SPCS1: variants seen among roughly 807,000 people sequenced by gnomAD.
The protein encoded by SPCS1 is signal peptidase complex subunit 1.
Under a neutral mutation model 16.4 loss-of-function variants are expected in SPCS1, and 10 were observed. The observed-to-expected ratio is 0.61, with a 90% confidence interval of 0.38 to 1.03. SPCS1 has a LOEUF of 1.03. SPCS1 is among the 50% of genes least tolerant of loss of function. SPCS1 has a pLI of 0.01. For synonymous variants in SPCS1, 47 were observed against 42.5 expected, an observed-to-expected ratio of 1.10 and a Z score of -0.41; for missense variants, 118 against 123.8, an observed-to-expected ratio of 0.95 and a Z score of 0.22.
rs2097345046 is a variant in SPCS1, at chr3:52,706,703, A to C, written c.96A>C (p.Ala32=). 3 of 1,613,710 alleles carry C rather than the reference A, an allele frequency of 1.9e-6. No homozygotes were observed. Among genetic ancestry groups the C allele is most frequent in the Non-Finnish European group, 2.5e-6 (3 of 1,179,698 alleles). ...TTCAGGGAATTATTCTTTTTTCTGC[A>C]GTAAGTATTGGTTTTACATTTAATC... ...QMFQGIILFS[A]IVGFIYGYVA... The change falls in exon 2 of 4, where the codon GCA becomes GCC. Residue 32 remains alanine, a splice_region_variant and synonymous_variant. Coordinates refer to ENST00000619898, the MANE Select transcript of SPCS1 (RefSeq NM_014041.5).
Position 52,709,692 on chromosome 3 carries a change from C to A in SPCS1, c.*1880C>A, listed in dbSNP as rs1297468527. The stretch of plus-strand genomic sequence containing the variant: ...CTCCAGGCTGGGTGACAGAGCAAGA[C>A]CCTGTCTCAAAAAAAAAAAAAAAAA... On this transcript the variant is annotated 3_prime_UTR_variant, in exon 4 of 4. Coordinates refer to ENST00000619898, the MANE Select transcript of SPCS1 (RefSeq NM_014041.5). 1 of 114,240 alleles carries A rather than the reference C, an allele frequency of 8.8e-6. No homozygotes were observed. The highest frequency in any genetic ancestry group is 3.3e-5 in the African/African-American group (1 of 30,670). The allele number at this position is 114,240 out of a possible 1,614,324, so 7.1% of individuals were successfully genotyped here.
At position 52,706,619 on chromosome 3, in the gene SPCS1, C is replaced by A. The variant is rs78824443; in HGVS notation, c.37-25C>A. 2.2e-3 allele frequency: 3,466 copies of A among 1,610,510 alleles called. 77 individuals are homozygous for A. The African/African-American group carries it at 0.042, about 19-fold the overall frequency. On this transcript the variant is annotated intron_variant, in intron 1 of 3. Transcript: ENST00000619898. ...TATGTTCTCGGCGGTGGAACCAATT[C>A]TTTTTTTCCTCTGCTTCACCCCAGG...
intron 3 of SPCS1, 45 bp downstream of exon 3, chr3:52,706,924 C>A: frequency 1.4e-6 from 2 of 1,476,584 alleles, no homozygotes; most frequent in Non-Finnish European, 1.9e-6. Context: ...TTTTGTGAGT[C>A]GGGTTGGTTT....
rs1650182159 is a variant in SPCS1 at position 52,710,058 on chromosome 3, T to G, written c.*2246T>G. On this transcript the variant is annotated 3_prime_UTR_variant, in exon 4 of 4. Transcript: ENST00000619898. ...GCAGAGAACCTGGCACACAGTAAAC[T>G]CTAAATAAAAATCTGTTAAGTGTGC... 1 of 152,166 alleles carries G rather than the reference T, an allele frequency of 6.6e-6. No homozygotes were observed. The highest frequency in any genetic ancestry group is 1.5e-5 in the Non-Finnish European group (1 of 68,084). 9.4% of individuals were successfully genotyped at this position (152,166 alleles called of 1,614,324 possible). A position where few individuals can be genotyped will look rare whatever the true frequency, so the allele number is the denominator to read the frequency against.
At position 52,706,775 on chromosome 3, in the gene SPCS1, T is replaced by G. The variant is rs374028558; in HGVS notation, c.97-18T>G. 5 of 1,612,240 alleles carry G rather than the reference T, an allele frequency of 3.1e-6. No individual in the cohort carries two copies. In the South Asian group the frequency reaches 4.4e-5, roughly 14 times the overall value. Reference sequence around the variant, plus strand: ...ACCCTCAGTTTGAGTGTGTTTAATATACTTCATTTGTCTCTAGATAGTTGG... The same window carrying G: ...ACCCTCAGTTTGAGTGTGTTTAATAGACTTCATTTGTCTCTAGATAGTTGG... On this transcript the variant is annotated intron_variant, in intron 2 of 3. Transcript: ENST00000619898.
In SPCS1 at chr3:52,709,553, TAGCC is replaced by T. The variant is rs1323739126; in HGVS notation, c.*1744_*1747del. 2.0e-5 allele frequency: 3 copies of T among 151,332 alleles called. No individual in the cohort carries two copies. The highest frequency in any genetic ancestry group is 2.1e-4 in the South Asian group (1 of 4,780). The allele number at this position is 151,332 out of a possible 1,614,324, so 9.4% of individuals were successfully genotyped here. On this transcript the variant is annotated 3_prime_UTR_variant, in exon 4 of 4. Transcript: ENST00000619898. ...CCTCTCCACAAAAAATTTTAAAAAT[TAGCC>T]AGGTGTGGTGGTGCATGCCTGTGGT...
chr3:52,707,553 A>C (rs2097345837), intron 3 of SPCS1, 134 bp from the exon 4 acceptor site: 1 of 871,770 alleles, frequency 1.1e-6, no homozygotes, highest in Non-Finnish European at 1.7e-6. Flanking sequence ...CAGAGCCTTT[A>C]TAGGAATATG....
Position 52,709,935 on chromosome 3 carries a change from C to G in SPCS1, c.*2123C>G, listed in dbSNP as rs1387326097. 1.3e-5 allele frequency: 2 copies of G among 152,038 alleles called. No homozygotes were observed. The highest frequency in any genetic ancestry group is 6.6e-5 in the Admixed American group (1 of 15,258). 9.4% of individuals were successfully genotyped at this position (152,038 alleles called of 1,614,324 possible). ...TTTTGCAAGTTGAGTTCTAGCAAAC[C>G]CTTCAAAGTGAAAATAAGAGTTATC... On this transcript the variant is annotated 3_prime_UTR_variant, in exon 4 of 4. Transcript: ENST00000619898.
At chr3:52,706,321 G>A (rs751690460) in intron 1 of SPCS1, 39 bp downstream of exon 1, 3 of 1,578,362 alleles carry the variant, frequency 1.9e-6, no homozygotes, top group Admixed American at 1.7e-5. Flanking sequence ...CGCCGTTCTT[G>A]TGCCTGGCAG....
chr3:52,706,317 T>A, intron 1 of SPCS1, 35 bp downstream of exon 1: 1 of 1,582,290 alleles, frequency 6.3e-7, no homozygotes, highest in East Asian at 2.2e-5. Context: ...TGCACGCCGT[T>A]CTTGTGCCTG....
At chr3:52,707,436 G>T in intron 3 of SPCS1, 1 of 355,372 alleles carries the variant, frequency 2.8e-6, no homozygotes, top group Non-Finnish European at 5.2e-6. Context: ...GATTACAGGC[G>T]AGAGCCACCA....
Position 52,708,621 on chromosome 3 carries a change from C to G in SPCS1, c.*809C>G, listed in dbSNP as rs1021390169. 2 of 152,108 alleles carry G rather than the reference C, an allele frequency of 1.3e-5. No individual in the cohort carries two copies. Among genetic ancestry groups the G allele is most frequent in the Non-Finnish European group, 2.9e-5 (2 of 68,012 alleles). 9.4% of individuals were successfully genotyped at this position (152,108 alleles called of 1,614,324 possible). A position where few individuals can be genotyped will look rare whatever the true frequency, so the allele number is the denominator to read the frequency against. On this transcript the variant is annotated 3_prime_UTR_variant, in exon 4 of 4. Transcript: ENST00000619898. ...ATAAAACATTTCCATCACAAAGTTC[C>G]ATTTATCAGATCTTATATAGAACCT...
In SPCS1 at chr3:52,707,016, A is replaced by C. The variant is rs79633493; in HGVS notation, c.183+137A>C. 6.9e-6 allele frequency: 5 copies of C among 721,078 alleles called. No individual in the cohort carries two copies. In the South Asian group the frequency reaches 8.1e-5, roughly 12 times the overall value. The allele number at this position is 721,078 out of a possible 1,614,324, so 44.7% of individuals were successfully genotyped here. On this transcript the variant is annotated intron_variant, in intron 3 of 3. Coordinates refer to ENST00000619898, the MANE Select transcript of SPCS1 (RefSeq NM_014041.5). ...CAGCGTTTCCCTTTGCTATCATTGGAAAAGTAGAATGCCAAAATAGTGTCA... is the reference window on the plus strand; with the variant it reads ...CAGCGTTTCCCTTTGCTATCATTGGCAAAGTAGAATGCCAAAATAGTGTCA...
In SPCS1 at chr3:52,707,840, G is replaced by T. The variant is rs1380802214; in HGVS notation, c.*28G>T. The T allele has an allele frequency of 1.2e-6, 2 of 1,612,910 alleles. No homozygotes were observed. Among genetic ancestry groups the T allele is most frequent in the East Asian group, 2.2e-5 (1 of 44,842 alleles). The stretch of plus-strand genomic sequence containing the variant: ...TTTTCATGATTCAGCACCTGCTTTT[G>T]TTTCTGTGAGATGAGCTAAATTGCT... On this transcript the variant is annotated 3_prime_UTR_variant, in exon 4 of 4. Transcript: ENST00000619898.
intron 1 of SPCS1, 154 bp from the exon 2 acceptor site, chr3:52,706,490 C>A: frequency 1.2e-6 from 1 of 857,762 alleles, no homozygotes; most frequent in Non-Finnish European, 1.8e-6. Flanking sequence ...CAGTTCCTCC[C>A]GGGAAGCCCA....
rs745480455 is a variant in SPCS1 at position 52,706,275 on chromosome 3, C to G, written c.29C>G (p.Thr10Arg). Residue 10 changes from threonine to arginine, a missense_variant, in exon 1 of 4, where the codon ACG (threonine) becomes AGG (arginine). By Grantham distance (71) the Thr-to-Arg change is moderately conservative. Transcript: ENST00000619898. ...CTGGAGCATCTGAGCTCGCTGCCCACGCAGATGGTGAGGGCGCAACCCGGG... is the reference window on the plus strand; with the variant it reads ...CTGGAGCATCTGAGCTCGCTGCCCAGGCAGATGGTGAGGGCGCAACCCGGG... MLEHLSSLPTQMDYKGQKLA... is the reference protein window; with the variant it reads MLEHLSSLPRQMDYKGQKLA... 1 of 1,595,542 alleles carries G rather than the reference C, an allele frequency of 6.3e-7. No individual in the cohort carries two copies. The highest frequency in any genetic ancestry group is 8.5e-7 in the Non-Finnish European group (1 of 1,178,366).
intron 3 of SPCS1, chr3:52,707,201 C>G (rs1433616565): frequency 4.1e-6 from 1 of 241,964 alleles, no homozygotes; most frequent in African/African-American, 2.3e-5. Flanking sequence ...CGGAGTTTCA[C>G]TCTTGTTGCC....
At position 52,708,359 on chromosome 3, in the gene SPCS1, T is replaced by C. The variant is rs1340284020; in HGVS notation, c.*547T>C. On this transcript the variant is annotated 3_prime_UTR_variant, in exon 4 of 4. Coordinates refer to ENST00000619898, the MANE Select transcript of SPCS1 (RefSeq NM_014041.5). The stretch of plus-strand genomic sequence containing the variant: ...ACATTTCATGGTATGTAATTAATAG[T>C]TGTCATTAGAACATTAGTTCCATGA... The C allele has an allele frequency of 2.6e-5, 4 of 153,758 alleles. No individual in the cohort carries two copies. In the East Asian group the frequency reaches 7.7e-4, roughly 30 times the overall value. The allele number at this position is 153,758 out of a possible 1,614,324, so 9.5% of individuals were successfully genotyped here.
intron 3 of SPCS1, 113 bp downstream of exon 3, chr3:52,706,992 A>G: frequency 1.3e-6 from 1 of 790,258 alleles, no homozygotes; most frequent in Non-Finnish European, 2.2e-6. Flanking sequence ...CCTTCCAAAC[A>G]GCGTTTCCCT....
Sources: allele counts gnomAD v4.1 joint callset, GRCh38; gene constraint gnomAD v4.1.1; transcripts MANE v1.5; gene names NCBI Gene and HGNC (gene_info 2026-07-23, HGNC 2026-07-21).